NPIPB15: variants seen among roughly 807,000 people sequenced by gnomAD.
NPIPB15 encodes the protein nuclear pore complex-interacting protein family member B15.
Under a neutral mutation model 35.9 loss-of-function variants are expected in NPIPB15, and 5 were observed. That is an observed-to-expected ratio of 0.14 (90% CI 0.07 to 0.29). The LOEUF is 0.29. NPIPB15 is among the 10% of genes least tolerant of loss of function. The pLI is 1.00. For synonymous variants in NPIPB15, 43 were observed against 182.0 expected (o/e 0.24, Z 6.15); for missense variants, 100 against 506.1 (o/e 0.20, Z 7.70).
intron 3 of NPIPB15, among the ~76,000 whole-genome samples, chr16:74,385,009 G>C (rs1341854152): frequency 1.4e-4 from 7 of 48,646 alleles, no homozygotes; most frequent in Non-Finnish European, 2.3e-4. Context: ...GTGTGTGTGT[G>C]TGTGTGTGTG....
chr16:74,391,549 C>T lies in NPIPB15; in HGVS notation c.801C>T (p.Pro267=), dbSNP rs918678. Residue 267 remains proline, a synonymous_variant, in exon 8 of 8, where the codon CCC becomes CCT. Coordinates refer to ENST00000692376, the MANE Select transcript of NPIPB15 (RefSeq NM_001306094.2). The part of the protein sequence containing the change: ...TDNSLSLKTP[P]ECLLHPLPPS... ...ACTCCCTGAGCCTCAAGACACCTCC[C>T]GAATGTCTCCTTCATCCCCTTCCAC... 132,735 of 1,568,008 alleles carry T rather than the reference C, an allele frequency of 0.085. 2,267 individuals are homozygous for T. The highest frequency in any genetic ancestry group is 0.11 in the East Asian group (4,687 of 42,682).
chr16:74,376,355 G>A lies in NPIPB15; in HGVS notation c.-1014G>A, dbSNP rs1418156349. 6.6e-6 allele frequency among the ~76,000 whole-genome samples: 1 copy of A among 151,686 alleles called. No individual in the cohort carries two copies. The highest frequency in any genetic ancestry group is 1.5e-5 in the Non-Finnish European group (1 of 67,998). On this transcript the variant is annotated 5_prime_UTR_variant, in exon 1 of 8. The change creates a new upstream start codon in the 5' untranslated region. Coordinates refer to ENST00000692376, the MANE Select transcript of NPIPB15 (RefSeq NM_001306094.2). ...CTCTGTGTGATCGGGCAGAAGGCCT[G>A]TGGGAAGTTCAGCTGAGGACAGGGC...
At chr16:74,384,842 T>A (rs577128783) in intron 3 of NPIPB15, among the ~76,000 whole-genome samples, 922 of 151,046 alleles carry the variant, frequency 6.1e-3, no homozygotes, top group African/African-American at 0.022. Flanking sequence ...CCACCATGCC[T>A]GGCTAATTTT....
chr16:74,386,396 C>G (rs1429854772), intron 5 of NPIPB15, among the ~76,000 whole-genome samples: 1 of 135,166 alleles, frequency 7.4e-6, no homozygotes, highest in Non-Finnish European at 1.6e-5. Flanking sequence ...CAGTTTGAAG[C>G]AATTCTGCCT....
chr16:74,378,571 G>A (rs1290597543), intron 2 of NPIPB15, among the ~76,000 whole-genome samples: 4 of 148,556 alleles, frequency 2.7e-5, no homozygotes, highest in African/African-American at 7.4e-5. Flanking sequence ...AGATTACAAC[G>A]CCTGGCTAAT....
chr16:74,379,903 T>A (rs1247318883), intron 2 of NPIPB15, among the ~76,000 whole-genome samples: 2 of 151,902 alleles, frequency 1.3e-5, no homozygotes, highest in South Asian at 2.1e-4. Flanking sequence ...TGTTAATTTT[T>A]AAGCACTAAA....
Position 74,376,455 on chromosome 16 carries a change from C to T in NPIPB15, c.-914C>T, listed in dbSNP as rs1235685600. Among the ~76,000 whole-genome samples the T allele has an allele frequency of 6.7e-6, 1 of 150,018 alleles. No individual in the cohort carries two copies. Among genetic ancestry groups the T allele is most frequent in the African/African-American group, 2.5e-5 (1 of 40,756 alleles). On this transcript the variant is annotated 5_prime_UTR_variant, in exon 1 of 8. Transcript: ENST00000692376. ...GGTCCTGCCCACCTGCTTGGAGCTC[C>T]CCACCCATCACACATGATGCTGCCA...
intron 1 of NPIPB15, among the ~76,000 whole-genome samples, 85 bp downstream of exon 1, chr16:74,377,431 C>A (rs1187622621): frequency 6.6e-6 from 1 of 151,750 alleles, no homozygotes; most frequent in African/African-American, 2.4e-5. Flanking sequence ...ATGATGCGGG[C>A]GCTACTTGGC....
intron 5 of NPIPB15, chr16:74,388,867 TTTA>T (rs1458656214): frequency 1.0e-6 from 1 of 958,060 alleles, no homozygotes; most frequent in African/African-American, 1.9e-5. Flanking sequence ...TGGAGTGTTG[TTTA>T]TAACCTCTGT....
At chr16:74,388,188 A>C (rs1440642391) in intron 5 of NPIPB15, 1 of 745,460 alleles carries the variant, frequency 1.3e-6, no homozygotes, top group African/African-American at 2.1e-5. Flanking sequence ...CTGCGGGGTT[A>C]ATGACACCAT....
chr16:74,382,453 G>A (rs1340098660), intron 3 of NPIPB15, among the ~76,000 whole-genome samples: 2 of 151,924 alleles, frequency 1.3e-5, no homozygotes, highest in Non-Finnish European at 2.9e-5. Context: ...AAGTGTGTCT[G>A]GGCAGGGTAA....
intron 7 of NPIPB15, chr16:74,390,771 A>C (rs2012494722): frequency 1.5e-5 from 1 of 65,482 alleles, no homozygotes; most frequent in South Asian, 6.3e-4. Context: ...AGCTGGAATC[A>C]ACTTCCACTC....
chr16:74,379,585 A>AC (rs2011869298), intron 2 of NPIPB15, among the ~76,000 whole-genome samples: 1 of 124,558 alleles, frequency 8.0e-6, no homozygotes, highest in Non-Finnish European at 1.7e-5. Flanking sequence ...CACCTTGGTA[A>AC]TTTTTTTTTT....
At chr16:74,377,609 G>A (rs1180820360) in intron 1 of NPIPB15, among the ~76,000 whole-genome samples, 1 of 151,982 alleles carries the variant, frequency 6.6e-6, no homozygotes, top group Admixed American at 6.6e-5. Context: ...TGCCCCACGT[G>A]TCCTGTTGCT....
At chr16:74,378,423 CTTTTTTTTT>C (rs1002146100) in intron 2 of NPIPB15, among the ~76,000 whole-genome samples, 4 of 86,124 alleles carry the variant, frequency 4.6e-5, no homozygotes, top group Non-Finnish European at 8.3e-5. Context: ...GGTTTGATGC[CTTTTTTTTT>C]TTTTTTTTTT....
At chr16:74,377,685 G>A (rs1394925607) in intron 1 of NPIPB15, among the ~76,000 whole-genome samples, 4 of 150,962 alleles carry the variant, frequency 2.6e-5, no homozygotes, top group Non-Finnish European at 2.9e-5. Flanking sequence ...AATTTGAACC[G>A]GATCCTTTCC....
At chr16:74,385,032 T>A (rs1321678949) in intron 3 of NPIPB15, among the ~76,000 whole-genome samples, 1 of 135,726 alleles carries the variant, frequency 7.4e-6, no homozygotes, top group African/African-American at 2.9e-5. Context: ...TGTGTGTGTG[T>A]GTGACAGAGT....
At chr16:74,388,074 C>T (rs2142689596) in intron 5 of NPIPB15, 1 of 980,738 alleles carries the variant, frequency 1.0e-6, no homozygotes, top group African/African-American at 1.7e-5. Context: ...ATTTCTAATT[C>T]AATAGATGCA....
chr16:74,391,377 C>T lies in NPIPB15; in HGVS notation c.643-14C>T, dbSNP rs2012527696. 1 of 1,600,496 alleles carries T rather than the reference C, an allele frequency of 6.2e-7. No homozygotes were observed. The highest frequency in any genetic ancestry group is 8.5e-7 in the Non-Finnish European group (1 of 1,179,428). The stretch of plus-strand genomic sequence containing the variant: ...TGAATATGTGTGAAAACATTCCCTC[C>T]TTTGGCCCTACAGGTCAGAATGGCG... On this transcript the variant is annotated splice_polypyrimidine_tract_variant and intron_variant, in intron 7 of 7. Transcript: ENST00000692376.
Sources: gnomAD v4.1 joint callset for allele counts (sites outside exome capture counted in the v4.1 genomes callset) on GRCh38, gnomAD v4.1.1 for gene constraint, MANE v1.5 for transcripts, NCBI Gene and HGNC (gene_info 2026-07-23, HGNC 2026-07-21) for gene names.